Variants in KIAA1549 observed in about 807,000 individuals in gnomAD.
KIAA1549 encodes KIAA1549.
A neutral mutation model predicts 156.4 loss-of-function variants in KIAA1549; 70 were observed. The observed-to-expected ratio is 0.45, with a 90% CI of 0.37 to 0.55. The LOEUF (loss-of-function observed/expected upper bound fraction) is 0.55, where lower values mean the gene tolerates loss of function less well. Among genes scored for constraint, KIAA1549 ranks in the 20% least tolerant of loss-of-function variants. The pLI is 0.00. For missense variants in KIAA1549, 2,428 were observed against 2,540.9 expected, an observed-to-expected ratio of 0.96 and a Z score of 0.96; for synonymous variants, 1,103 against 1,066.4, an observed-to-expected ratio of 1.03 and a Z score of -0.67.
intron 1 of KIAA1549, among the ~76,000 whole-genome samples, chr7:138,963,341 C>CT (rs1213116676): frequency 3.9e-5 from 6 of 152,198 alleles, no homozygotes; most frequent in Non-Finnish European, 8.8e-5. Context: ...CGGAAAGCCA[C>CT]TGAGATTTGG....
intron 1 of KIAA1549, among the ~76,000 whole-genome samples, chr7:138,956,779 T>C (rs1813678448): frequency 6.6e-6 from 1 of 152,242 alleles, no homozygotes; most frequent in Non-Finnish European, 1.5e-5. Context: ...TTAATTCTGA[T>C]CTATTCAATC....
intron 10 of KIAA1549, among the ~76,000 whole-genome samples, chr7:138,890,924 C>CT (rs1273043433): frequency 1.3e-5 from 2 of 152,204 alleles, no homozygotes; most frequent in African/African-American, 2.4e-5. Context: ...CGGCTGTGCC[C>CT]TTTTTTATGA....
intron 4 of KIAA1549, among the ~76,000 whole-genome samples, chr7:138,910,579 G>T (rs1465504741): frequency 6.6e-6 from 1 of 151,774 alleles, no homozygotes; most frequent in African/African-American, 2.4e-5. Context: ...TGTATTTTTA[G>T]TAGAGATGAG....
At chr7:138,961,173 T>A (rs58789290) in intron 1 of KIAA1549, among the ~76,000 whole-genome samples, 32,864 of 152,098 alleles carry the variant, frequency 0.22, 4,206 homozygotes, top group African/African-American at 0.35. Flanking sequence ...TAAAACCCCA[T>A]TCTAAGTTGC....
At chr7:138,921,797 G>A (rs569462504) in intron 1 of KIAA1549, among the ~76,000 whole-genome samples, 12 of 152,166 alleles carry the variant, frequency 7.9e-5, no homozygotes, top group African/African-American at 2.4e-4. Flanking sequence ...CCCAGGAGGC[G>A]GAGGGTTCAG....
chr7:138,895,207 C>T (rs961544653), intron 9 of KIAA1549, among the ~76,000 whole-genome samples: 17 of 152,148 alleles, frequency 1.1e-4, no homozygotes, highest in Admixed American at 2.0e-4. Context: ...AATGAATCAC[C>T]GAATAATTTC....
At chr7:138,936,130 G>A (rs17160623) in intron 1 of KIAA1549, among the ~76,000 whole-genome samples, 40,241 of 152,018 alleles carry the variant, frequency 0.26, 6,367 homozygotes, top group African/African-American at 0.44. Flanking sequence ...TGATCAGGAC[G>A]GTGAAGGGAA....
rs1809583714 is a variant in KIAA1549, at chr7:138,832,971, T to C, written c.*4935A>G. On this transcript the variant is annotated 3_prime_UTR_variant, in exon 20 of 20. Coordinates refer to ENST00000422774, the MANE Select transcript of KIAA1549 (RefSeq NM_001164665.2). ...CTCATAGAAACCCTGTTAGAACGTGTTAACATGTTAGATTAAATGTAAAAA... is the reference window on the plus strand; with the variant it reads ...CTCATAGAAACCCTGTTAGAACGTGCTAACATGTTAGATTAAATGTAAAAA... The C allele has an allele frequency of 4.3e-6, 1 of 231,530 alleles. No individual in the cohort carries two copies. The highest frequency in any genetic ancestry group is 5.6e-5 in the Admixed American group (1 of 17,718). 14.3% of individuals were successfully genotyped at this position (231,530 alleles called of 1,614,324 possible).
At position 138,838,122 on chromosome 7, in the gene KIAA1549, C is replaced by T. The variant is rs760166055; in HGVS notation, c.5637G>A (p.Pro1879=). ...MLGHQEYSSS[P]LFQVPRTSGR... ...CTGAAGTCCTTGGCACCTGAAATAGCGGTGAAGAAGAATACTCTTGATGTC... is the reference window on the plus strand; with the variant it reads ...CTGAAGTCCTTGGCACCTGAAATAGTGGTGAAGAAGAATACTCTTGATGTC... The change falls in exon 20 of 20, where the codon CCG becomes CCA. Residue 1879 remains proline, a synonymous_variant. Transcript: ENST00000422774. The T allele has an allele frequency of 1.0e-5, 16 of 1,529,010 alleles. No homozygotes were observed. Among genetic ancestry groups the T allele is most frequent in the South Asian group, 3.7e-5 (3 of 80,172 alleles). 94.7% of individuals were successfully genotyped at this position (1,529,010 alleles called of 1,614,324 possible).
At chr7:138,943,123 G>A (rs1258105133) in intron 1 of KIAA1549, among the ~76,000 whole-genome samples, 6 of 152,218 alleles carry the variant, frequency 3.9e-5, no homozygotes, top group Non-Finnish European at 8.8e-5. Flanking sequence ...CATGAGAGAA[G>A]GAGGGAAATA....
In KIAA1549 at chr7:138,837,227, C is replaced by G. The variant is rs142173573; in HGVS notation, c.*679G>C. On this transcript the variant is annotated 3_prime_UTR_variant, in exon 20 of 20. Coordinates refer to ENST00000422774, the MANE Select transcript of KIAA1549 (RefSeq NM_001164665.2). ...ATGAAACCTTCAACATATTCTTCCA[C>G]TGAAAAAGCCAAAGTTCCATTTCAG... The G allele has an allele frequency of 6.2e-5, 14 of 227,114 alleles. No individual in the cohort carries two copies. Among genetic ancestry groups the G allele is most frequent in the Middle Eastern group, 2.6e-3 (2 of 762 alleles). 14.1% of individuals were successfully genotyped at this position (227,114 alleles called of 1,614,324 possible).
At chr7:138,901,407 C>A (rs1386727892) in intron 8 of KIAA1549, among the ~76,000 whole-genome samples, 2 of 150,976 alleles carry the variant, frequency 1.3e-5, no homozygotes, top group Admixed American at 6.6e-5. Flanking sequence ...CTCACTGAAA[C>A]CTCCACCTCC....
chr7:138,874,299 T>C (rs1354754060), intron 12 of KIAA1549, among the ~76,000 whole-genome samples: 2 of 152,010 alleles, frequency 1.3e-5, no homozygotes, highest in Non-Finnish European at 2.9e-5. Context: ...TAAATTTTAC[T>C]ATAGAGTCAA....
At chr7:138,885,680 C>T (rs1463727956) in intron 10 of KIAA1549, among the ~76,000 whole-genome samples, 22 of 152,202 alleles carry the variant, frequency 1.4e-4, no homozygotes, top group Admixed American at 1.4e-3. Flanking sequence ...CTCATACTGG[C>T]TTGGAATAAA....
At chr7:138,979,580 G>T (rs1011394869) in intron 1 of KIAA1549, among the ~76,000 whole-genome samples, 1 of 152,234 alleles carries the variant, frequency 6.6e-6, no homozygotes, top group Non-Finnish European at 1.5e-5. Context: ...TTTATCTGCT[G>T]TGTCTTATGA....
intron 13 of KIAA1549, among the ~76,000 whole-genome samples, chr7:138,870,229 C>A (rs765967258): frequency 4.6e-5 from 7 of 151,912 alleles, no homozygotes; most frequent in Non-Finnish European, 7.4e-5. Flanking sequence ...GTAAGCTCCA[C>A]GGAGTCACCG....
intron 2 of KIAA1549, among the ~76,000 whole-genome samples, chr7:138,916,468 G>A (rs1410556117): frequency 6.6e-6 from 1 of 152,224 alleles, no homozygotes; most frequent in African/African-American, 2.4e-5. Context: ...GGCAAGGGCT[G>A]AGCGTTCTGC....
chr7:138,883,089 T>TAAAAAAAAAAAAAAAAAAAAAAAAA lies in KIAA1549; in HGVS notation c.4033-1530_4033-1506dup, dbSNP rs1201752539. On this transcript the variant is annotated intron_variant, in intron 10 of 19. Transcript: ENST00000422774. ...CAACATGGTGAAACCCCATCTCCCC[T>TAAAAAAAAAAAAAAAAAAAAAAAAA]AAAAAAAAAAAAAAAAAAAAAAAAA... 8.5e-5 allele frequency among the ~76,000 whole-genome samples: 4 copies of TAAAAAAAAAAAAAAAAAAAAAAAAA among 47,064 alleles called. 2 individuals carry two copies. Among genetic ancestry groups the TAAAAAAAAAAAAAAAAAAAAAAAAA allele is most frequent in the African/African-American group, 3.5e-4 (4 of 11,540 alleles). The allele number at this position is 47,064 out of a possible 152,430, so 30.9% of individuals were successfully genotyped here. A position where few individuals can be genotyped will look rare whatever the true frequency, so the allele number is the denominator to read the frequency against.
At chr7:138,924,066 T>C (rs1812640191) in intron 1 of KIAA1549, among the ~76,000 whole-genome samples, 1 of 152,244 alleles carries the variant, frequency 6.6e-6, no homozygotes, top group Non-Finnish European at 1.5e-5. Flanking sequence ...ACAACCTGGC[T>C]GTAGGATTCC....
Sources: allele counts gnomAD v4.1 joint callset (sites outside exome capture counted in the v4.1 genomes callset), GRCh38; gene constraint gnomAD v4.1.1; transcripts MANE v1.5; gene names NCBI Gene and HGNC (gene_info 2026-07-23, HGNC 2026-07-21).